Variants in ASS1 observed in about 807,000 individuals in gnomAD.
ASS1 encodes argininosuccinate synthase 1.
Under a neutral mutation model 60.5 loss-of-function variants are expected in ASS1, and 58 were observed. The observed-to-expected ratio is 0.96, with a 90% CI of 0.78 to 1.19. The LOEUF is 1.19. ASS1 is among the 50% of genes most tolerant of loss of function. ASS1 has a pLI of 0.00. For missense variants in ASS1, 454 were observed against 547.3 expected, an observed-to-expected ratio of 0.83 and a Z score of 1.70; for synonymous variants, 200 against 206.9, an observed-to-expected ratio of 0.97 and a Z score of 0.29.
intron 5 of ASS1, among the ~76,000 whole-genome samples, chr9:130,464,918 G>A (rs1342276361): frequency 6.6e-6 from 1 of 151,622 alleles, no homozygotes; most frequent in African/African-American, 2.4e-5. Context: ...GGGCAGGGCC[G>A]AGCAGTGGGA....
At position 130,477,712 on chromosome 9, in the gene ASS1, G is replaced by C. The variant is rs1456389216; in HGVS notation, c.688+751G>C. 1.3e-5 allele frequency among the ~76,000 whole-genome samples: 2 copies of C among 152,212 alleles called. No homozygotes were observed. Among genetic ancestry groups the C allele is most frequent in the Admixed American group, 1.3e-4 (2 of 15,282 alleles). On this transcript the variant is annotated intron_variant, in intron 9 of 14. Coordinates refer to ENST00000352480, the MANE Select transcript of ASS1 (RefSeq NM_054012.4). This position sits in a 1 kb window ranked among gnomAD's most constrained non-coding sequence, Gnocchi z 4.2. ...AGGGCGGGCTCAGAGGGCCTGAAGGGGTACCTTTTCAGGAGGCTGGAGTGA... is the reference window on the plus strand; with the variant it reads ...AGGGCGGGCTCAGAGGGCCTGAAGGCGTACCTTTTCAGGAGGCTGGAGTGA...
chr9:130,497,196 A>G (rs1451454702), intron 13 of ASS1, among the ~76,000 whole-genome samples: 2 of 152,236 alleles, frequency 1.3e-5, no homozygotes, highest in Non-Finnish European at 2.9e-5. Context: ...TCACTCAGGG[A>G]GATTAAATGA....
At chr9:130,499,184 C>T (rs1388282132) in intron 13 of ASS1, among the ~76,000 whole-genome samples, 1 of 152,202 alleles carries the variant, frequency 6.6e-6, no homozygotes, top group African/African-American at 2.4e-5. Context: ...CATTTACAGA[C>T]AGAGTGCTCT....
chr9:130,461,937 T>C (rs1845606454), intron 4 of ASS1, among the ~76,000 whole-genome samples: 1 of 152,068 alleles, frequency 6.6e-6, no homozygotes. Context: ...TGGCCTGGGA[T>C]GTGAGGGGGA....
rs1486449199 is a variant in ASS1, at chr9:130,476,911, C to T, written c.638C>T (p.Pro213Leu). The change falls in exon 9 of 15, where the codon CCA becomes CTA. Residue 213 changes from proline to leucine, a missense_variant. Pro to Leu is a moderately conservative substitution (Grantham distance 98). Coordinates refer to ENST00000352480, the MANE Select transcript of ASS1 (RefSeq NM_054012.4). The surrounding 1 kb of genome is among the most constrained non-coding windows in gnomAD (Gnocchi z 4.9). ...PPGLYTKTQD[P>L]AKAPNTPDIL... The stretch of plus-strand genomic sequence containing the variant: ...GGTCTCTACACGAAGACCCAGGACC[C>T]AGCCAAAGCCCCCAACACCCCTGAC... 6.2e-7 allele frequency: 1 copy of T among 1,614,136 alleles called. No homozygotes were observed. Among genetic ancestry groups the T allele is most frequent in the Non-Finnish European group, 8.5e-7 (1 of 1,180,022 alleles).
At position 130,476,280 on chromosome 9, in the gene ASS1, A is replaced by G. The variant is rs62582572; in HGVS notation, c.598-591A>G. 0.043 allele frequency: 6,812 copies of G among 156,812 alleles called. 217 individuals carry two copies. Among genetic ancestry groups the G allele is most frequent in the Middle Eastern group, 0.064 (19 of 298 alleles). The allele number at this position is 156,812 out of a possible 1,614,324, so 9.7% of individuals were successfully genotyped here. On this transcript the variant is annotated intron_variant, in intron 8 of 14. Transcript: ENST00000352480. The surrounding 1 kb of genome is among the most constrained non-coding windows in gnomAD (Gnocchi z 4.9). ...GTTTCAGGCAACACGCAGCCCCTCC[A>G]CCACTGCATCAGACGAGAGGCCCAT... is the stretch of plus-strand genomic sequence containing the variant.
In ASS1 at chr9:130,456,324, G is replaced by A. The variant is rs559868944; in HGVS notation, c.174+1951G>A. Among the ~76,000 whole-genome samples the A allele has an allele frequency of 1.7e-3, 251 of 151,992 alleles. 1 individual carries two copies. Among genetic ancestry groups the A allele is most frequent in the South Asian group, 0.014 (66 of 4,802 alleles). ...CTACTAAAAATACAAAAATTAGCTG[G>A]GCGCGATGGTGGGTGCCTGTAATCC... On this transcript the variant is annotated intron_variant, in intron 3 of 14. Transcript: ENST00000352480.
chr9:130,444,816 A>T (rs886063528), upstream of ASS1: 1 of 152,028 alleles, frequency 6.6e-6, no homozygotes, highest in African/African-American at 2.4e-5. This position sits in a 1 kb window ranked among gnomAD's most constrained non-coding sequence, Gnocchi z 4.7. Context: ...GCCCATCTGC[A>T]GGTGGCTGTG....
At position 130,466,575 on chromosome 9, in the gene ASS1, C is replaced by G. The variant is rs571331505; in HGVS notation, c.421-150C>G. 32 of 741,018 alleles carry G rather than the reference C, an allele frequency of 4.3e-5. No homozygotes were observed. In the Admixed American group the frequency reaches 4.4e-4, roughly 10 times the overall value. 45.9% of individuals were successfully genotyped at this position (741,018 alleles called of 1,614,324 possible). ...TGTGTCCTTCCCCTCCTTCATGGGGCTCCCTCTCACCCTCACAACAGCATC... is the reference window on the plus strand; with the variant it reads ...TGTGTCCTTCCCCTCCTTCATGGGGGTCCCTCTCACCCTCACAACAGCATC... On this transcript the variant is annotated intron_variant, in intron 5 of 14. Transcript: ENST00000352480.
chr9:130,499,065 G>A (rs759072595), intron 13 of ASS1, among the ~76,000 whole-genome samples: 22 of 152,168 alleles, frequency 1.4e-4, no homozygotes, highest in African/African-American at 3.1e-4. Context: ...TGCAGCTTGC[G>A]AAATGCCCTT....
In ASS1 at chr9:130,483,267, T is replaced by G. The variant is rs542780267; in HGVS notation, c.838+2818T>G. On this transcript the variant is annotated intron_variant, in intron 11 of 14. Transcript: ENST00000352480. Reference sequence around the variant, plus strand: ...ACAGAAAGATGCTATTGTCCGTATCTCGGTGTACAAGGGGAACATGTCATT... The same window carrying G: ...ACAGAAAGATGCTATTGTCCGTATCGCGGTGTACAAGGGGAACATGTCATT... 6.6e-5 allele frequency among the ~76,000 whole-genome samples: 10 copies of G among 151,008 alleles called. No individual in the cohort carries two copies. The South Asian group carries it at 2.1e-3, about 32-fold the overall frequency.
chr9:130,501,159 G>T lies in ASS1; in HGVS notation c.*138G>T, dbSNP rs2118898587. ...AGTGGGGCTGCCAGGCCCCAGCTTT[G>T]TTCCCTGGTCCCCCTGAAGCCTGCA... On this transcript the variant is annotated 3_prime_UTR_variant, in exon 15 of 15. Coordinates refer to ENST00000352480, the MANE Select transcript of ASS1 (RefSeq NM_054012.4). 5 of 967,144 alleles carry T rather than the reference G, an allele frequency of 5.2e-6. No homozygotes were observed. Among genetic ancestry groups the T allele is most frequent in the South Asian group, 1.3e-5 (1 of 75,320 alleles). The allele number at this position is 967,144 out of a possible 1,614,324, so 59.9% of individuals were successfully genotyped here. A position where few individuals can be genotyped will look rare whatever the true frequency, so the allele number is the denominator to read the frequency against.
intron 1 of ASS1, among the ~76,000 whole-genome samples, chr9:130,448,422 G>GCGCGCACACACACACACACA (rs71387350): frequency 9.2e-4 from 132 of 143,380 alleles, no homozygotes; most frequent in African/African-American, 3.6e-3. Flanking sequence ...GTGTGCGCGC[G>GCGCGCACACACACACACACA]CACACACACA....
At position 130,470,817 on chromosome 9, in the gene ASS1, CTG is replaced by C. The variant is rs1321474854; in HGVS notation, c.496-15_496-14del. ...TCCAGCCGCCTTACCTCCACCTGTG[CTG>C]TCTCTTTCCTGCAGCAACACGGGAT... On this transcript the variant is annotated splice_polypyrimidine_tract_variant and intron_variant, in intron 6 of 14. Coordinates refer to ENST00000352480, the MANE Select transcript of ASS1 (RefSeq NM_054012.4). This position sits in a 1 kb window ranked among gnomAD's most constrained non-coding sequence, Gnocchi z 4.3. The C allele has an allele frequency of 1.2e-6, 2 of 1,613,686 alleles. No individual in the cohort carries two copies. The highest frequency in any genetic ancestry group is 3.3e-5 in the Admixed American group (2 of 60,026).
chr9:130,448,357 A>T (rs1664479602), intron 1 of ASS1, among the ~76,000 whole-genome samples: 1 of 151,632 alleles, frequency 6.6e-6, no homozygotes, highest in Admixed American at 6.6e-5. Flanking sequence ...CATCACACAC[A>T]TGCATGCACA....
intron 1 of ASS1, chr9:130,451,877 T>TGCATTCCTCACATCCTG (rs1242095771): frequency 2.0e-6 from 1 of 495,920 alleles, no homozygotes; most frequent in Non-Finnish European, 4.0e-6. Flanking sequence ...CCTGCCTGCG[T>TGCATTCCTCACATCCTG]GCATTCCTCA....
intron 11 of ASS1, among the ~76,000 whole-genome samples, chr9:130,484,053 A>G (rs775468459): frequency 6.6e-6 from 1 of 152,076 alleles, no homozygotes; most frequent in African/African-American, 2.4e-5. Context: ...GGGGCCCGCC[A>G]GGCACCAGGA....
At position 130,478,850 on chromosome 9, in the gene ASS1, G is replaced by A. The variant is rs556436596; in HGVS notation, c.689-866G>A. ...AGAATGGCGAGGCTGACAGCGCCTT[G>A]AGTGAAGCCCCTCCAAGCGGCGCCT... On this transcript the variant is annotated intron_variant, in intron 9 of 14. Coordinates refer to ENST00000352480, the MANE Select transcript of ASS1 (RefSeq NM_054012.4). The surrounding 1 kb of genome is among the most constrained non-coding windows in gnomAD (Gnocchi z 4.7). Among the ~76,000 whole-genome samples, 72 of 152,336 alleles carry A rather than the reference G, an allele frequency of 4.7e-4. No individual in the cohort carries two copies. The highest frequency in any genetic ancestry group is 1.7e-3 in the African/African-American group (70 of 41,570).
At chr9:130,450,223 G>A (rs1845296955) in intron 1 of ASS1, 27 of 977,020 alleles carry the variant, frequency 2.8e-5, no homozygotes, top group Non-Finnish European at 3.3e-5. Context: ...TAGGGCCTCT[G>A]GGATGGCCCA....
Sources: allele counts gnomAD v4.1 joint callset (sites outside exome capture counted in the v4.1 genomes callset), GRCh38; gene constraint gnomAD v4.1.1; non-coding constraint Gnocchi (gnomAD v3.1); transcripts MANE v1.5; gene names NCBI Gene and HGNC (gene_info 2026-07-23, HGNC 2026-07-21).